The following UGT1A10 variants were observed in gnomAD, a reference collection of about 807,000 sequenced individuals.
UGT1A10 encodes UDP glucuronosyltransferase family 1 member A10, also known as UDP-glucuronosyltransferase 1A10.
In UGT1A10, 49 loss-of-function variants were observed where a neutral mutation model predicts 45.8. The observed-to-expected ratio is 1.07, with a 90% CI of 0.85 to 1.36. UGT1A10 has a LOEUF of 1.36. UGT1A10 is among the 40% of genes most tolerant of loss of function. The probability of loss-of-function intolerance (pLI) is 0.00; values close to 1 mark genes in which losing one functional copy is unlikely to be tolerated. For synonymous variants in UGT1A10, 284 were observed against 249.7 expected (o/e 1.14, Z -1.29); for missense variants, 745 against 668.6 (o/e 1.11, Z -1.26).
chr2:233,718,833 C>T, intron 1 of UGT1A10: 2 of 1,613,592 alleles, frequency 1.2e-6, no homozygotes, highest in Non-Finnish European at 8.5e-7. Context: ...GGCCAGAGGA[C>T]TCCAGGTTCC....
At chr2:233,691,247 C>G in intron 1 of UGT1A10, 1 of 985,544 alleles carries the variant, frequency 1.0e-6, no homozygotes, top group Non-Finnish European at 1.2e-6. Flanking sequence ...TCTAGATGAA[C>G]TCAAAGCAAG....
chr2:233,671,010 CCAAACATA>C (rs1433906611), intron 1 of UGT1A10, among the ~76,000 whole-genome samples: 4 of 152,098 alleles, frequency 2.6e-5, no homozygotes, highest in African/African-American at 9.7e-5. Context: ...ATTTGTAAAC[CCAAACATA>C]CAAACATACA....
chr2:233,754,900 C>G, intron 1 of UGT1A10: 3 of 1,352,224 alleles, frequency 2.2e-6, no homozygotes, highest in Non-Finnish European at 3.0e-6. Flanking sequence ...CTCTGACCCC[C>G]CAAAATATTC....
chr2:233,676,145 C>G (rs923422051), intron 1 of UGT1A10, among the ~76,000 whole-genome samples: 1 of 152,166 alleles, frequency 6.6e-6, no homozygotes, highest in Non-Finnish European at 1.5e-5. Context: ...TGAGCTCCAG[C>G]GTCAGACTCC....
chr2:233,748,442 C>T (rs1311049302), intron 1 of UGT1A10, among the ~76,000 whole-genome samples: 3 of 151,720 alleles, frequency 2.0e-5, no homozygotes, highest in Non-Finnish European at 2.9e-5. Flanking sequence ...TTTGTTTGCA[C>T]AATTTTCAGG....
intron 1 of UGT1A10, chr2:233,692,898 A>G: frequency 6.5e-7 from 1 of 1,540,188 alleles, no homozygotes; most frequent in Non-Finnish European, 8.7e-7. Context: ...GGAGAGGTAG[A>G]CAGGACCTGT....
intron 1 of UGT1A10, among the ~76,000 whole-genome samples, chr2:233,694,285 G>A (rs1303012674): frequency 6.6e-6 from 1 of 151,386 alleles, no homozygotes; most frequent in African/African-American, 2.4e-5. Flanking sequence ...AGCCCAATCT[G>A]CCCAAAGGCC....
At chr2:233,678,216 C>G (rs1460617263) in intron 1 of UGT1A10, among the ~76,000 whole-genome samples, 1 of 152,192 alleles carries the variant, frequency 6.6e-6, no homozygotes, top group Non-Finnish European at 1.5e-5. Flanking sequence ...GTACTATGCT[C>G]AGTACTTGGG....
chr2:233,727,866 T>C (rs1246200452), intron 1 of UGT1A10, among the ~76,000 whole-genome samples: 1 of 152,128 alleles, frequency 6.6e-6, no homozygotes, highest in Non-Finnish European at 1.5e-5. Context: ...AAGGGAAGCC[T>C]CAGCCTCACC....
intron 1 of UGT1A10, among the ~76,000 whole-genome samples, chr2:233,748,848 A>G (rs1037972949): frequency 6.6e-6 from 1 of 151,534 alleles, no homozygotes; most frequent in Non-Finnish European, 1.5e-5. Flanking sequence ...CTGTGAGCGT[A>G]TAAGCCCAGT....
chr2:233,740,447 GAGA>G (rs1243845787), intron 1 of UGT1A10, among the ~76,000 whole-genome samples: 2 of 151,994 alleles, frequency 1.3e-5, no homozygotes, highest in African/African-American at 2.4e-5. Flanking sequence ...GGAATCAGAG[GAGA>G]AGAAGATGAT....
intron 1 of UGT1A10, among the ~76,000 whole-genome samples, chr2:233,731,463 G>A (rs540385955): frequency 1.5e-4 from 23 of 152,134 alleles, no homozygotes; most frequent in Admixed American, 1.0e-3. Flanking sequence ...AGGCCCTGGC[G>A]TGTGATGTTC....
At chr2:233,698,592 A>G (rs1559349856) in intron 1 of UGT1A10, among the ~76,000 whole-genome samples, 1 of 152,200 alleles carries the variant, frequency 6.6e-6, no homozygotes, top group South Asian at 2.1e-4. Context: ...TAATCCAAGA[A>G]ATTCGGATTA....
intron 1 of UGT1A10, chr2:233,649,036 T>C: frequency 1.7e-6 from 2 of 1,189,750 alleles, no homozygotes; most frequent in Non-Finnish European, 2.3e-6. Context: ...GGTAAGTCAT[T>C]GCTCCTTTAG....
intron 1 of UGT1A10, among the ~76,000 whole-genome samples, chr2:233,766,658 C>A (rs1575821914): frequency 6.6e-6 from 1 of 152,166 alleles, no homozygotes; most frequent in Admixed American, 6.5e-5. Flanking sequence ...AAAGGGACCA[C>A]GCCCTTCCCA....
intron 1 of UGT1A10, among the ~76,000 whole-genome samples, chr2:233,661,624 T>TTTCTTTCTTTCC (rs1468607061): frequency 1.4e-4 from 2 of 14,108 alleles, no homozygotes; most frequent in Non-Finnish European, 2.9e-4. Context: ...CTTACTGAAT[T>TTTCTTTCTTTCC]TTCTTTCTTT....
At chr2:233,690,852 CCTT>C in intron 1 of UGT1A10, 1 of 1,064,850 alleles carries the variant, frequency 9.4e-7, no homozygotes. Context: ...TTTTCTAATA[CCTT>C]CTTAATTTGC....
At chr2:233,745,000 A>T in intron 1 of UGT1A10, among the ~76,000 whole-genome samples, 1 of 151,770 alleles carries the variant, frequency 6.6e-6, no homozygotes, top group Non-Finnish European at 1.5e-5. Context: ...GATTACTTTT[A>T]CCTAATAAAT....
intron 1 of UGT1A10, among the ~76,000 whole-genome samples, chr2:233,685,880 A>G (rs1356115880): frequency 1.3e-5 from 2 of 152,244 alleles, no homozygotes; most frequent in African/African-American, 4.8e-5. Context: ...ACAATCAATA[A>G]TTCTTTAATA....
Sources: allele counts gnomAD v4.1 joint callset (sites outside exome capture counted in the v4.1 genomes callset), GRCh38; gene constraint gnomAD v4.1.1; transcripts MANE v1.5; gene names NCBI Gene and HGNC (gene_info 2026-07-23, HGNC 2026-07-21).